ENKUR: variants seen among roughly 807,000 people sequenced by gnomAD.
ENKUR encodes enkurin.
A neutral mutation model predicts 27.6 loss-of-function variants in ENKUR; 19 were observed. That is an observed-to-expected ratio of 0.69 (90% CI 0.48 to 1.01). The LOEUF is 1.01. Among genes scored for constraint, ENKUR ranks in the 50% least tolerant of loss-of-function variants. The probability of loss-of-function intolerance (pLI) is 0.00; values close to 1 mark genes in which losing one functional copy is unlikely to be tolerated. For synonymous variants in ENKUR, 117 were observed against 96.9 expected, an observed-to-expected ratio of 1.21 and a Z score of -1.22; for missense variants, 312 against 310.5, an observed-to-expected ratio of 1.00 and a Z score of -0.04.
At chr10:25,050,520 C>T (rs188036003) in intron 2 of ENKUR, among the ~76,000 whole-genome samples, 7 of 152,096 alleles carry the variant, frequency 4.6e-5, no homozygotes, top group Admixed American at 2.6e-4. Flanking sequence ...TTCACTACCA[C>T]GAGAACAGCA....
At chr10:25,050,164 C>T (rs865845286) in intron 2 of ENKUR, among the ~76,000 whole-genome samples, 2 of 152,166 alleles carry the variant, frequency 1.3e-5, no homozygotes, top group Non-Finnish European at 2.9e-5. Flanking sequence ...TGCCAAACCA[C>T]TCAGAAGGGA....
At chr10:25,001,557 G>A (rs565478241) in intron 1 of ENKUR, among the ~76,000 whole-genome samples, 159 of 151,922 alleles carry the variant, frequency 1.0e-3, no homozygotes, top group Non-Finnish European at 2.0e-3. Context: ...TTCTTTTTCA[G>A]TCTATTTTTT....
At chr10:24,997,815 AT>A (rs1375702528) in intron 2 of ENKUR, among the ~76,000 whole-genome samples, 4 of 151,334 alleles carry the variant, frequency 2.6e-5, no homozygotes, top group Non-Finnish European at 1.5e-5. Flanking sequence ...ATTTATATAT[AT>A]ATATATATAT....
intron 2 of ENKUR, among the ~76,000 whole-genome samples, chr10:25,053,827 CA>C (rs1262877437): frequency 1.3e-5 from 2 of 152,022 alleles, no homozygotes; most frequent in Non-Finnish European, 2.9e-5. Context: ...ATTTAAGACA[CA>C]TGAAAAGGCA....
intron 3 of ENKUR, among the ~76,000 whole-genome samples, chr10:24,991,348 G>C (rs999785773): frequency 6.6e-6 from 1 of 151,894 alleles, no homozygotes; most frequent in East Asian, 1.9e-4. Context: ...TCGTGGTCTC[G>C]TTAAAGAAAA....
intron 2 of ENKUR, among the ~76,000 whole-genome samples, chr10:25,053,992 C>T (rs372736692): frequency 1.6e-4 from 24 of 152,326 alleles, no homozygotes; most frequent in African/African-American, 5.8e-4. Context: ...TATCATTCTG[C>T]ATTCCTTTAT....
rs1849710935 is a variant in ENKUR, at chr10:24,983,334, C to T, written c.*1036G>A. 6.6e-6 allele frequency: 1 copy of T among 151,958 alleles called. No homozygotes were observed. The highest frequency in any genetic ancestry group is 1.5e-5 in the Non-Finnish European group (1 of 68,010). The allele number at this position is 151,958 out of a possible 1,614,324, so 9.4% of individuals were successfully genotyped here. ...CTCCCTAACTCTGGATCAGATGCAT[C>T]CTACCCACTCTGTAAGTCTGGGTCC... On this transcript the variant is annotated 3_prime_UTR_variant, in exon 6 of 6. Coordinates refer to ENST00000331161, the MANE Select transcript of ENKUR (RefSeq NM_145010.4).
At chr10:25,002,285 A>T (rs1219235221) in intron 1 of ENKUR, among the ~76,000 whole-genome samples, 1 of 152,212 alleles carries the variant, frequency 6.6e-6, no homozygotes, top group Non-Finnish European at 1.5e-5. Flanking sequence ...GCTATCAACC[A>T]AAGACTTTAG....
At chr10:25,024,731 A>C in intron 2 of ENKUR, 1 of 1,614,186 alleles carries the variant, frequency 6.2e-7, no homozygotes, top group Non-Finnish European at 8.5e-7. Context: ...AGCCCAGTCG[A>C]TGTCTGTATT....
At chr10:25,020,847 G>T (rs761003030), upstream of ENKUR, among the ~76,000 whole-genome samples, 11 of 151,860 alleles carry the variant, frequency 7.2e-5, no homozygotes, top group Non-Finnish European at 1.2e-4. Flanking sequence ...TCAAAAAGAA[G>T]AAACTGTAAT....
chr10:25,026,885 TA>T (rs150083147), intron 2 of ENKUR, among the ~76,000 whole-genome samples: 10,055 of 152,178 alleles, frequency 0.066, 1,081 homozygotes, highest in African/African-American at 0.23. Flanking sequence ...GCTTAGCTTC[TA>T]AAAAGGAGGT....
At chr10:25,023,078 C>A in intron 2 of ENKUR, 1 of 750,334 alleles carries the variant, frequency 1.3e-6, no homozygotes, top group Non-Finnish European at 2.1e-6. Context: ...GTACCATGGG[C>A]ATGGTTATAT....
intron 2 of ENKUR, among the ~76,000 whole-genome samples, chr10:25,040,527 C>T (rs1349494179): frequency 2.7e-5 from 4 of 148,578 alleles, no homozygotes; most frequent in Non-Finnish European, 4.4e-5. Context: ...CCTGCCACCA[C>T]GCCCGGCTAA....
At chr10:25,029,439 A>G (rs761955054) in intron 2 of ENKUR, among the ~76,000 whole-genome samples, 1 of 152,160 alleles carries the variant, frequency 6.6e-6, no homozygotes, top group Non-Finnish European at 1.5e-5. Flanking sequence ...ATGAAGTTTT[A>G]GTTAGATTTT....
At chr10:25,054,517 T>TC (rs1313931738) in intron 2 of ENKUR, among the ~76,000 whole-genome samples, 1,866 of 112,550 alleles carry the variant, frequency 0.017, 14 homozygotes, top group Non-Finnish European at 0.025. Flanking sequence ...TTCTTTCCTT[T>TC]CTTTCTTTCT....
intron 2 of ENKUR, among the ~76,000 whole-genome samples, chr10:25,055,767 A>C (rs960042161): frequency 7.9e-5 from 12 of 152,102 alleles, no homozygotes; most frequent in East Asian, 1.9e-4. Context: ...TGCTCTTTAC[A>C]CTTTTACTGA....
At chr10:25,018,121 T>G (rs1212603108), upstream of ENKUR, among the ~76,000 whole-genome samples, 1 of 152,218 alleles carries the variant, frequency 6.6e-6, no homozygotes, top group Non-Finnish European at 1.5e-5. Context: ...TATTATGCTT[T>G]AAAAAATGCT....
intron 2 of ENKUR, among the ~76,000 whole-genome samples, chr10:25,031,126 A>T (rs1012575931): frequency 6.6e-6 from 1 of 152,216 alleles, no homozygotes; most frequent in African/African-American, 2.4e-5. Flanking sequence ...CAAAAGTAAA[A>T]AATAATAAAT....
intron 2 of ENKUR, among the ~76,000 whole-genome samples, chr10:25,036,200 T>A (rs1259157771): frequency 6.6e-6 from 1 of 152,170 alleles, no homozygotes; most frequent in African/African-American, 2.4e-5. Context: ...TGGTGGGAGA[T>A]AATTGAATCA....
Sources: gnomAD v4.1 joint callset for allele counts (sites outside exome capture counted in the v4.1 genomes callset) on GRCh38, gnomAD v4.1.1 for gene constraint, MANE v1.5 for transcripts, NCBI Gene and HGNC (gene_info 2026-07-23, HGNC 2026-07-21) for gene names.